Variants in ATP2B2 observed in about 807,000 individuals in gnomAD.
ATP2B2 encodes plasma membrane calcium-transporting ATPase 2.
Under a neutral mutation model 120.0 loss-of-function variants are expected in ATP2B2, and 15 were observed. The observed-to-expected ratio is 0.12, with a 90% CI of 0.08 to 0.19. ATP2B2 has a LOEUF of 0.19. ATP2B2 is among the 10% of genes least tolerant of loss of function. ATP2B2 has a pLI of 1.00. For missense variants in ATP2B2, 1,045 were observed against 1,719.8 expected (o/e 0.61, Z 6.94); for synonymous variants, 694 against 700.3 (o/e 0.99, Z 0.14).
At chr3:10,403,015 C>T (rs889216784) in intron 3 of ATP2B2, among the ~76,000 whole-genome samples, 1 of 151,914 alleles carries the variant, frequency 6.6e-6, no homozygotes, top group Non-Finnish European at 1.5e-5. Context: ...TCCTCTTCTT[C>T]TGTTGGAGTC....
intron 2 of ATP2B2, among the ~76,000 whole-genome samples, chr3:10,546,551 G>C (rs1559451787): frequency 6.6e-6 from 1 of 152,218 alleles, no homozygotes; most frequent in Non-Finnish European, 1.5e-5. Context: ...GGGGTGTGAA[G>C]GGGCTGCACC....
At chr3:10,677,549 G>C (rs2071276040) in intron 1 of ATP2B2, among the ~76,000 whole-genome samples, 1 of 152,082 alleles carries the variant, frequency 6.6e-6, no homozygotes, top group Non-Finnish European at 1.5e-5. Context: ...TGCAATAATG[G>C]GCATGATGTG....
At chr3:10,500,346 A>G (rs2066334688) in intron 1 of ATP2B2, among the ~76,000 whole-genome samples, 1 of 152,054 alleles carries the variant, frequency 6.6e-6, no homozygotes, top group Non-Finnish European at 1.5e-5. Flanking sequence ...AGCAATAAAC[A>G]CCTCATAAAT....
In ATP2B2 at chr3:10,375,249, C is replaced by A. The variant is rs1290272114; in HGVS notation, c.1416+181G>T. On this transcript the variant is annotated intron_variant, in intron 11 of 22. Transcript: ENST00000360273. The surrounding 1 kb of genome is among the most constrained non-coding windows in gnomAD (Gnocchi z 4.2). Reference sequence around the variant, plus strand: ...TATGGCTCTCTGGTTTGCTACAGGCCCCTGGACTCTATGAAAGCGTCAGAG... The same window carrying A: ...TATGGCTCTCTGGTTTGCTACAGGCACCTGGACTCTATGAAAGCGTCAGAG... 1.3e-5 allele frequency among the ~76,000 whole-genome samples: 2 copies of A among 152,118 alleles called. No homozygotes were observed. The highest frequency in any genetic ancestry group is 1.3e-4 in the Admixed American group (2 of 15,280).
intron 1 of ATP2B2, among the ~76,000 whole-genome samples, chr3:10,625,148 C>G (rs560474637): frequency 2.0e-5 from 3 of 152,338 alleles, no homozygotes; most frequent in African/African-American, 7.2e-5. Flanking sequence ...GGTATTCTGG[C>G]TACACAAGGT....
chr3:10,478,989 C>T (rs766704358), intron 1 of ATP2B2, among the ~76,000 whole-genome samples: 3 of 152,150 alleles, frequency 2.0e-5, no homozygotes, highest in Non-Finnish European at 4.4e-5. Flanking sequence ...TCTCTTCTGC[C>T]ACCATGTAAG....
chr3:10,366,649 C>A (rs1245487919), intron 12 of ATP2B2, among the ~76,000 whole-genome samples: 1 of 152,144 alleles, frequency 6.6e-6, no homozygotes, highest in Non-Finnish European at 1.5e-5. Flanking sequence ...CGGGTGGTTC[C>A]AGTACACAGA....
intron 1 of ATP2B2, among the ~76,000 whole-genome samples, chr3:10,485,337 G>C (rs1403592343): frequency 2.0e-5 from 3 of 152,222 alleles, no homozygotes; most frequent in Non-Finnish European, 2.9e-5. Flanking sequence ...GAGCTGGTGG[G>C]TGACAGGGCT....
intron 1 of ATP2B2, among the ~76,000 whole-genome samples, chr3:10,490,400 C>CTTTTT (rs34189325): frequency 1.5e-5 from 2 of 136,860 alleles, no homozygotes; most frequent in African/African-American, 2.7e-5. Context: ...CCACGGCATT[C>CTTTTT]TTTTTTTTTT....
At position 10,690,432 on chromosome 3, in the gene ATP2B2, ATATCTATCTATC is replaced by A. The variant is rs58646066; in HGVS notation, c.-460+17471_-460+17482del. ...AGAAAAAAACAGAATATCTATATCT[ATATCTATCTATC>A]TATCTATCTATCTATCTATCTATCT... is the stretch of plus-strand genomic sequence containing the variant. On this transcript the variant is annotated intron_variant, in intron 1 of 21. Transcript: ENST00000646379. Among the ~76,000 whole-genome samples the A allele has an allele frequency of 3.8e-3, 568 of 148,920 alleles. 2 individuals carry two copies. The highest frequency in any genetic ancestry group is 0.031 in the Middle Eastern group (9 of 292).
rs1005748495 is a variant in ATP2B2 at position 10,342,623 on chromosome 3, C to T, written c.2917+129G>A. The T allele has an allele frequency of 5.2e-6, 6 of 1,153,290 alleles. No homozygotes were observed. The Admixed American group carries it at 5.9e-5, about 11-fold the overall frequency. The allele number at this position is 1,153,290 out of a possible 1,614,324, so 71.4% of individuals were successfully genotyped here. ...GACCTTGGGCAACTTACTTGACCTCCCTGGGCCTCAATTTCCCCATTAGCA... is the reference window on the plus strand; with the variant it reads ...GACCTTGGGCAACTTACTTGACCTCTCTGGGCCTCAATTTCCCCATTAGCA... On this transcript the variant is annotated intron_variant, in intron 19 of 22. Transcript: ENST00000360273. The surrounding 1 kb of genome is among the most constrained non-coding windows in gnomAD (Gnocchi z 4.4).
intron 3 of ATP2B2, among the ~76,000 whole-genome samples, chr3:10,527,776 G>A (rs576957181): frequency 6.6e-6 from 1 of 152,364 alleles, no homozygotes; most frequent in African/African-American, 2.4e-5. Flanking sequence ...ATCACCCGGT[G>A]TCCCCGCTGG....
chr3:10,644,476 G>T (rs143983227), intron 1 of ATP2B2, among the ~76,000 whole-genome samples: 1 of 152,172 alleles, frequency 6.6e-6, no homozygotes, highest in Admixed American at 6.5e-5. Context: ...TCACAACAGC[G>T]CTGTTCACAA....
At chr3:10,598,296 T>C (rs2068820458) in intron 2 of ATP2B2, among the ~76,000 whole-genome samples, 1 of 152,210 alleles carries the variant, frequency 6.6e-6, no homozygotes, top group Non-Finnish European at 1.5e-5. Context: ...TTCCAGTTTC[T>C]CTGCTTCCAA....
intron 1 of ATP2B2, among the ~76,000 whole-genome samples, chr3:10,632,182 T>C (rs905269867): frequency 6.6e-6 from 1 of 152,174 alleles, no homozygotes; most frequent in African/African-American, 2.4e-5. Context: ...GAAAATGACA[T>C]ATAAAAGTGT....
Position 10,327,264 on chromosome 3 carries a change from G to A in ATP2B2, c.*1550C>T, listed in dbSNP as rs3209637. ...CTTTTCTCACCTGTGATACTGTAGG[G>A]TTTCAGAATGGCTTTCTGTTTGGGA... On this transcript the variant is annotated 3_prime_UTR_variant, in exon 23 of 23. Coordinates refer to ENST00000360273, the MANE Select transcript of ATP2B2 (RefSeq NM_001001331.4). 35,152 of 156,856 alleles carry A rather than the reference G, an allele frequency of 0.22. 4,514 individuals carry two copies. Among genetic ancestry groups the A allele is most frequent in the East Asian group, 0.53 (2,871 of 5,370 alleles). The allele number at this position is 156,856 out of a possible 1,614,324, so 9.7% of individuals were successfully genotyped here.
intron 1 of ATP2B2, among the ~76,000 whole-genome samples, chr3:10,657,933 G>A (rs56089922): frequency 0.055 from 8,385 of 152,312 alleles, 309 homozygotes; most frequent in Non-Finnish European, 0.082. Flanking sequence ...AACATATGCT[G>A]TTCAGCAATA....
chr3:10,381,598 A>G (rs547333210), intron 8 of ATP2B2, among the ~76,000 whole-genome samples: 3 of 152,202 alleles, frequency 2.0e-5, no homozygotes, highest in Non-Finnish European at 4.4e-5. Context: ...GTTTCTCAGA[A>G]GCGAGGGACT....
At chr3:10,532,377 T>C (rs112065445) in intron 3 of ATP2B2, among the ~76,000 whole-genome samples, 59 of 152,352 alleles carry the variant, frequency 3.9e-4, no homozygotes, top group African/African-American at 1.3e-3. Context: ...GAGAAGATGA[T>C]GCATCTTTGT....
Sources: allele counts gnomAD v4.1 joint callset (sites outside exome capture counted in the v4.1 genomes callset), GRCh38; gene constraint gnomAD v4.1.1; non-coding constraint Gnocchi (gnomAD v3.1); transcripts MANE v1.5; gene names NCBI Gene and HGNC (gene_info 2026-07-23, HGNC 2026-07-21).